Variants in DTWD2 observed in about 807,000 individuals in gnomAD.
The protein encoded by DTWD2 is tRNA-uridine aminocarboxypropyltransferase 2.
A neutral mutation model predicts 31.8 loss-of-function variants in DTWD2; 39 were observed. The observed-to-expected ratio is 1.22, with a 90% CI of 0.95 to 1.60. The LOEUF (loss-of-function observed/expected upper bound fraction) is 1.60, where lower values mean the gene tolerates loss of function less well. Among genes scored for constraint, DTWD2 ranks in the 40% most tolerant of loss-of-function variants. DTWD2 has a pLI of 0.00. For missense variants in DTWD2, 515 were observed against 381.5 expected, an observed-to-expected ratio of 1.35 and a Z score of -2.92; for synonymous variants, 180 against 142.8, an observed-to-expected ratio of 1.26 and a Z score of -1.86.
chr5:118,924,587 A>T (rs760097470), intron 4 of DTWD2, among the ~76,000 whole-genome samples: 1 of 152,242 alleles, frequency 6.6e-6, no homozygotes, highest in Non-Finnish European at 1.5e-5. Context: ...CTAATTAACT[A>T]AATCTTGCAA....
intron 5 of DTWD2, among the ~76,000 whole-genome samples, chr5:118,843,814 C>T (rs866768317): frequency 1.1e-4 from 16 of 152,336 alleles, no homozygotes; most frequent in Admixed American, 6.5e-4. Context: ...GTACTCCCTA[C>T]AGCTGTTCAC....
intron 4 of DTWD2, among the ~76,000 whole-genome samples, chr5:118,877,531 C>T (rs1468915859): frequency 4.6e-5 from 7 of 151,710 alleles, no homozygotes. Context: ...ATTGAAGAAA[C>T]ATACCTCAAA....
chr5:118,923,995 C>T (rs1580411450), intron 4 of DTWD2, among the ~76,000 whole-genome samples: 2 of 152,204 alleles, frequency 1.3e-5, no homozygotes, highest in Non-Finnish European at 2.9e-5. Flanking sequence ...AGACTGGCTT[C>T]TGCAGCCCAG....
chr5:118,857,536 G>A (rs1003058878), intron 4 of DTWD2, among the ~76,000 whole-genome samples: 10 of 151,786 alleles, frequency 6.6e-5, no homozygotes, highest in African/African-American at 1.2e-4. Context: ...TTAATTTTTC[G>A]GAGTCTTTAT....
intron 1 of DTWD2, among the ~76,000 whole-genome samples, chr5:118,976,993 T>C (rs900124265): frequency 1.3e-5 from 2 of 152,176 alleles, no homozygotes; most frequent in African/African-American, 4.8e-5. Context: ...TCCACCATGA[T>C]CAAGTCAGCT....
chr5:118,937,494 A>G (rs1395466931), intron 3 of DTWD2, among the ~76,000 whole-genome samples: 1 of 152,086 alleles, frequency 6.6e-6, no homozygotes, highest in Non-Finnish European at 1.5e-5. Flanking sequence ...AGCCAACCCT[A>G]TCACCTTTGG....
At chr5:118,961,581 C>T (rs1049203058) in intron 1 of DTWD2, among the ~76,000 whole-genome samples, 1 of 152,102 alleles carries the variant, frequency 6.6e-6, no homozygotes, top group Non-Finnish European at 1.5e-5. Flanking sequence ...CTGAGCCTGC[C>T]GGTCCTCATG....
intron 5 of DTWD2, among the ~76,000 whole-genome samples, 163 bp downstream of exon 5, chr5:118,847,927 A>G (rs1205241322): frequency 6.7e-6 from 1 of 149,728 alleles, no homozygotes; most frequent in Non-Finnish European, 1.5e-5. Context: ...ACACACACAG[A>G]AAAACACCAG....
intron 5 of DTWD2, among the ~76,000 whole-genome samples, chr5:118,846,641 T>C (rs1045931793): frequency 1.3e-5 from 2 of 152,208 alleles, no homozygotes; most frequent in Non-Finnish European, 2.9e-5. Flanking sequence ...CATAATTCTA[T>C]TAAGACACCT....
At chr5:118,975,956 T>C (rs1338520714) in intron 1 of DTWD2, among the ~76,000 whole-genome samples, 1 of 152,174 alleles carries the variant, frequency 6.6e-6, no homozygotes, top group Admixed American at 6.5e-5. Context: ...AAAACACTCT[T>C]CAGCAAATGC....
chr5:118,976,148 C>A (rs1354210598), intron 1 of DTWD2, among the ~76,000 whole-genome samples: 2 of 152,128 alleles, frequency 1.3e-5, no homozygotes, highest in Non-Finnish European at 2.9e-5. Flanking sequence ...CCAATGAGAA[C>A]AAAGACACAA....
chr5:118,898,945 C>T (rs180853031), intron 4 of DTWD2, among the ~76,000 whole-genome samples: 15 of 152,272 alleles, frequency 9.9e-5, no homozygotes, highest in African/African-American at 3.4e-4. Context: ...TCTGTGAAAT[C>T]GCCTGCTTAC....
At chr5:118,894,154 G>A (rs1232552563) in intron 4 of DTWD2, among the ~76,000 whole-genome samples, 1 of 151,832 alleles carries the variant, frequency 6.6e-6, no homozygotes, top group Admixed American at 6.6e-5. Flanking sequence ...TTAAACTCTG[G>A]CAAACTGCTC....
At chr5:118,861,178 A>C (rs530143142) in intron 4 of DTWD2, among the ~76,000 whole-genome samples, 5 of 152,344 alleles carry the variant, frequency 3.3e-5, no homozygotes, top group African/African-American at 1.2e-4. Flanking sequence ...ATTAGAGTTA[A>C]ATCATTTAAG....
chr5:118,846,919 G>GACAC lies in DTWD2; in HGVS notation c.726+1170_726+1171insGTGT, dbSNP rs1580762602. Among the ~76,000 whole-genome samples the GACAC allele has an allele frequency of 1.7e-4, 8 of 47,508 alleles. No individual in the cohort carries two copies. In the East Asian group the frequency reaches 4.7e-3, roughly 28 times the overall value. The allele number at this position is 47,508 out of a possible 152,430, so 31.2% of individuals were successfully genotyped here. ...TAAACAAAGTCTACTCAAACACACAGGCACACACACACACACACACACACA... is the reference window on the plus strand; with the variant it reads ...TAAACAAAGTCTACTCAAACACACAGACACGCACACACACACACACACACACACA... On this transcript the variant is annotated intron_variant, in intron 5 of 5. Transcript: ENST00000510708.
At chr5:118,861,790 T>A (rs1313854673) in intron 4 of DTWD2, among the ~76,000 whole-genome samples, 1 of 152,086 alleles carries the variant, frequency 6.6e-6, no homozygotes, top group Non-Finnish European at 1.5e-5. Context: ...TACTTAGTGG[T>A]AGGTCCCAAA....
chr5:118,985,721 G>A (rs760038728), intron 1 of DTWD2, among the ~76,000 whole-genome samples: 1 of 151,764 alleles, frequency 6.6e-6, no homozygotes, highest in Non-Finnish European at 1.5e-5. Flanking sequence ...TTTCCACTCT[G>A]ATGTCATATA....
chr5:118,892,784 A>T (rs945221519), intron 4 of DTWD2, among the ~76,000 whole-genome samples: 2 of 151,222 alleles, frequency 1.3e-5, no homozygotes, highest in Non-Finnish European at 3.0e-5. Context: ...TCTAGGAGGT[A>T]AAAAAAAACC....
chr5:118,860,109 G>A (rs997427543), intron 4 of DTWD2, among the ~76,000 whole-genome samples: 1 of 151,480 alleles, frequency 6.6e-6, no homozygotes, highest in Non-Finnish European at 1.5e-5. Context: ...TACAGAGTGA[G>A]ACCCTGTCTC....
Sources: gnomAD v4.1 joint callset for allele counts (sites outside exome capture counted in the v4.1 genomes callset) on GRCh38, gnomAD v4.1.1 for gene constraint, MANE v1.5 for transcripts, NCBI Gene and HGNC (gene_info 2026-07-23, HGNC 2026-07-21) for gene names.